Variants in HDAC9 observed in about 807,000 individuals in gnomAD.
HDAC9 encodes the protein histone deacetylase 9, also known as MEF-2 interacting transcription repressor (MITR) protein.
Under a neutral mutation model 139.4 loss-of-function variants are expected in HDAC9, and 41 were observed. That is an observed-to-expected ratio of 0.29 (90% CI 0.23 to 0.38). HDAC9 has a LOEUF of 0.38. HDAC9 is among the 10% of genes least tolerant of loss of function. HDAC9 has a pLI of 1.00. For synonymous variants in HDAC9, 517 were observed against 476.2 expected (o/e 1.09, Z -1.12); for missense variants, 1,147 against 1,297.0 (o/e 0.88, Z 1.78).
chr7:18,788,213 T>G (rs1003601100), intron 16 of HDAC9, among the ~76,000 whole-genome samples: 2 of 152,106 alleles, frequency 1.3e-5, no homozygotes, highest in Non-Finnish European at 2.9e-5. Context: ...TGGCTCACAT[T>G]GGTAATGGGG....
intron 7 of HDAC9, among the ~76,000 whole-genome samples, chr7:18,630,297 T>C (rs566682834): frequency 2.0e-5 from 3 of 152,244 alleles, no homozygotes; most frequent in African/African-American, 7.2e-5. Flanking sequence ...AACCCCTTTT[T>C]TTTCCCATTC....
At chr7:18,273,087 C>T (rs1367400140) in intron 2 of HDAC9, among the ~76,000 whole-genome samples, 1 of 76,196 alleles carries the variant, frequency 1.3e-5, no homozygotes, top group Non-Finnish European at 2.5e-5. Flanking sequence ...TTTTTTTGAA[C>T]AAGACAGGAT....
rs142715078 is a variant in HDAC9, at chr7:18,642,415, T to G, written c.913-2256T>G. On this transcript the variant is annotated intron_variant, in intron 8 of 25. Coordinates refer to ENST00000686413, the MANE Select transcript of HDAC9 (RefSeq NM_178425.4). The stretch of plus-strand genomic sequence containing the variant: ...GCAGTGGCTGCAGAGTCATACTCCC[T>G]GTAGCAGCAGCTGTCAACAAATCTC... Among the ~76,000 whole-genome samples, 143 of 152,250 alleles carry G rather than the reference T, an allele frequency of 9.4e-4. 1 individual carries two copies. The highest frequency in any genetic ancestry group is 3.4e-3 in the African/African-American group (141 of 41,568).
intron 17 of HDAC9, among the ~76,000 whole-genome samples, chr7:18,809,161 TC>T (rs971229158): frequency 3.9e-5 from 6 of 152,076 alleles, no homozygotes; most frequent in African/African-American, 1.4e-4. Flanking sequence ...AATTGGATCC[TC>T]ACTTAATACT....
intron 2 of HDAC9, among the ~76,000 whole-genome samples, chr7:18,532,120 C>A (rs1809207786): frequency 6.6e-6 from 1 of 151,944 alleles, no homozygotes; most frequent in Non-Finnish European, 1.5e-5. Flanking sequence ...CATGGTGGTG[C>A]ACACCTGTAG....
intron 5 of HDAC9, among the ~76,000 whole-genome samples, chr7:18,592,334 T>C (rs1490933543): frequency 6.6e-6 from 1 of 152,160 alleles, no homozygotes; most frequent in Non-Finnish European, 1.5e-5. Flanking sequence ...ATTGTGGTTT[T>C]TATAGAACTG....
intron 22 of HDAC9, among the ~76,000 whole-genome samples, chr7:18,919,006 C>A (rs1315165771): frequency 1.3e-5 from 2 of 151,846 alleles, no homozygotes; most frequent in Admixed American, 6.6e-5. Flanking sequence ...CCTTTTAAGT[C>A]GTTGGTAATA....
chr7:18,550,612 A>G lies in HDAC9; in HGVS notation c.23-34669A>G, dbSNP rs192658201. Among the ~76,000 whole-genome samples, 8 of 152,336 alleles carry G rather than the reference A, an allele frequency of 5.3e-5. No individual in the cohort carries two copies. The East Asian group carries it at 1.3e-3, about 26-fold the overall frequency. ...ATCAGGTGGGAATGGAGGGAAAGTT[A>G]CAATTTTCAAACAGGGTAAGGTGTG... is the stretch of plus-strand genomic sequence containing the variant. On this transcript the variant is annotated intron_variant, in intron 2 of 25. Transcript: ENST00000686413.
chr7:18,585,624 T>G (rs1829244587), intron 3 of HDAC9, 102 bp downstream of exon 3: 4 of 1,380,086 alleles, frequency 2.9e-6, no homozygotes. Flanking sequence ...TCACTGTGAT[T>G]AAGACATGGA....
intron 13 of HDAC9, among the ~76,000 whole-genome samples, chr7:18,731,966 C>T (rs1281930122): frequency 6.6e-6 from 1 of 151,704 alleles, no homozygotes; most frequent in Admixed American, 6.6e-5. Flanking sequence ...GTAAGTTTTT[C>T]CCCCAAACAA....
At chr7:18,750,250 A>G (rs1788324871) in intron 14 of HDAC9, among the ~76,000 whole-genome samples, 1 of 152,170 alleles carries the variant, frequency 6.6e-6, no homozygotes, top group Non-Finnish European at 1.5e-5. Flanking sequence ...ATTTCTATGG[A>G]TAAAAAAATT....
intron 8 of HDAC9, among the ~76,000 whole-genome samples, chr7:18,642,012 C>A (rs1167087421): frequency 2.0e-5 from 3 of 152,094 alleles, no homozygotes; most frequent in Admixed American, 2.0e-4. Context: ...TCTCTGAAGT[C>A]ATCCTAGACC....
intron 6 of HDAC9, among the ~76,000 whole-genome samples, chr7:18,604,755 A>T (rs2704282): frequency 1.3e-5 from 2 of 151,788 alleles, no homozygotes; most frequent in Non-Finnish European, 2.9e-5. Flanking sequence ...TCCCTTTTCA[A>T]TCTTTCCTAG....
At chr7:18,387,554 A>G (rs1362134410) in intron 1 of HDAC9, among the ~76,000 whole-genome samples, 1 of 152,232 alleles carries the variant, frequency 6.6e-6, no homozygotes, top group Non-Finnish European at 1.5e-5. Flanking sequence ...TTGACTACTC[A>G]TAGAAAATGA....
At chr7:18,425,337 T>G (rs1365892) in intron 1 of HDAC9, among the ~76,000 whole-genome samples, 149,267 of 152,288 alleles carry the variant, frequency 0.98, 73,241 homozygotes, top group East Asian at 1. Flanking sequence ...ACTGTTTTCA[T>G]AGTTGAATAA....
intron 1 of HDAC9, among the ~76,000 whole-genome samples, chr7:18,122,300 G>A (rs1337403859): frequency 6.6e-6 from 1 of 152,086 alleles, no homozygotes; most frequent in Non-Finnish European, 1.5e-5. Context: ...GTTATATGAG[G>A]GCAGTATTCT....
chr7:18,345,274 T>A (rs535926751), intron 1 of HDAC9, among the ~76,000 whole-genome samples: 31 of 152,142 alleles, frequency 2.0e-4, no homozygotes, highest in African/African-American at 7.5e-4. Context: ...AATGAAACAT[T>A]AGAATGTAGA....
intron 1 of HDAC9, among the ~76,000 whole-genome samples, chr7:18,156,108 C>T (rs1787178412): frequency 6.6e-6 from 1 of 152,104 alleles, no homozygotes; most frequent in African/African-American, 2.4e-5. Context: ...ATCTCTGTAT[C>T]CCATGTTCCC....
intron 2 of HDAC9, among the ~76,000 whole-genome samples, chr7:18,174,767 G>C (rs951898563): frequency 6.6e-6 from 1 of 152,116 alleles, no homozygotes; most frequent in African/African-American, 2.4e-5. Flanking sequence ...CGTTTGCCTG[G>C]GTATCACCAG....
Sources: allele counts gnomAD v4.1 joint callset (sites outside exome capture counted in the v4.1 genomes callset), GRCh38; gene constraint gnomAD v4.1.1; transcripts MANE v1.5; gene names NCBI Gene and HGNC (gene_info 2026-07-23, HGNC 2026-07-21).